The following RASIP1 variants were observed in gnomAD, a reference collection of about 807,000 sequenced individuals.
The protein encoded by RASIP1 is Ras interacting protein 1, also known as ras-interacting protein 1.
In RASIP1, 20 loss-of-function variants were observed where a neutral mutation model predicts 85.3. The ratio of observed to expected loss-of-function variants is 0.23; its 90% CI spans 0.17 to 0.34. The LOEUF (loss-of-function observed/expected upper bound fraction) is 0.34, where lower values mean the gene tolerates loss of function less well. Ranked by LOEUF, RASIP1 falls within the 10% of genes least tolerant of loss-of-function variation. The pLI is 1.00. For synonymous variants in RASIP1, 617 were observed against 647.1 expected, an observed-to-expected ratio of 0.95 and a Z score of 0.71; for missense variants, 1,170 against 1,390.9, an observed-to-expected ratio of 0.84 and a Z score of 2.53.
chr19:48,739,516 G>A lies in RASIP1; in HGVS notation c.267C>T (p.Ile89=), dbSNP rs1018875253. 8 of 1,517,200 alleles carry A rather than the reference G, an allele frequency of 5.3e-6. No homozygotes were observed. Among genetic ancestry groups the A allele is most frequent in the Non-Finnish European group, 7.0e-6 (8 of 1,138,094 alleles). 94.0% of individuals were successfully genotyped at this position (1,517,200 alleles called of 1,614,324 possible). Residue 89 remains isoleucine, a synonymous_variant, in exon 3 of 12, where the codon ATC becomes ATT. Transcript: ENST00000222145. This position sits in a 1 kb window ranked among gnomAD's most constrained non-coding sequence, Gnocchi z 9.2. ...GGASGSRAKR[I]SQLFRGSGTG... ...TCCCCGAGCCCCGGAAGAGCTGGGAGATGCGCTTGGCGCGGCTACCGGAGG... is the reference window on the plus strand; with the variant it reads ...TCCCCGAGCCCCGGAAGAGCTGGGAAATGCGCTTGGCGCGGCTACCGGAGG...
Position 48,724,286 on chromosome 19 carries a change from G to A in RASIP1, c.2544+51C>T. 1.9e-6 allele frequency: 3 copies of A among 1,567,372 alleles called. No homozygotes were observed. Among genetic ancestry groups the A allele is most frequent in the Non-Finnish European group, 2.6e-6 (3 of 1,148,212 alleles). Reference sequence around the variant, plus strand: ...AGCTGAATATAGAAGGTGGCTGAGGGGGGTTGAGGAGTCAGAGGTCAGGGG... The same window carrying A: ...AGCTGAATATAGAAGGTGGCTGAGGAGGGTTGAGGAGTCAGAGGTCAGGGG... On this transcript the variant is annotated intron_variant, in intron 10 of 11. Coordinates refer to ENST00000222145, the MANE Select transcript of RASIP1 (RefSeq NM_017805.3). This position sits in a 1 kb window ranked among gnomAD's most constrained non-coding sequence, Gnocchi z 4.6.
chr19:48,721,903 C>G lies in RASIP1; in HGVS notation c.2643G>C (p.Pro881=), dbSNP rs1406676308. The change falls in exon 11 of 12, where the codon CCG becomes CCC. Residue 881 remains proline (P), a synonymous_variant. Transcript: ENST00000222145. The stretch of plus-strand genomic sequence containing the variant: ...CAGGGGGAGGGTCCCACGCGGCTGG[C>G]GGCCCGCGGCCAGGGCCCAGCTGAT... The part of the protein sequence containing the change: ...SHYQLGPGRG[P]PAAWDPPPAE... The G allele has an allele frequency of 1.9e-6, 3 of 1,604,556 alleles. No individual in the cohort carries two copies. The highest frequency in any genetic ancestry group is 1.3e-5 in the African/African-American group (1 of 74,250).
In RASIP1 at chr19:48,720,664, C is replaced by T; in HGVS notation, c.*134G>A. 3.0e-6 allele frequency: 3 copies of T among 998,390 alleles called. No homozygotes were observed. The highest frequency in any genetic ancestry group is 3.1e-6 in the Non-Finnish European group (2 of 653,434). 61.8% of individuals were successfully genotyped at this position (998,390 alleles called of 1,614,324 possible). A position where few individuals can be genotyped will look rare whatever the true frequency, so the allele number is the denominator to read the frequency against. On this transcript the variant is annotated 3_prime_UTR_variant, in exon 12 of 12. Coordinates refer to ENST00000222145, the MANE Select transcript of RASIP1 (RefSeq NM_017805.3). Reference sequence around the variant, plus strand: ...GCTCCCACCGTCCCATCCGCTACTTCCCGAAAACTCAATCTCCCAACATTC... The same window carrying T: ...GCTCCCACCGTCCCATCCGCTACTTTCCGAAAACTCAATCTCCCAACATTC...
chr19:48,732,064 C>CTT (rs11311120), intron 4 of RASIP1, among the ~76,000 whole-genome samples: 4 of 143,958 alleles, frequency 2.8e-5, no homozygotes, highest in Non-Finnish European at 6.1e-5. Flanking sequence ...TTTTTAATCT[C>CTT]TTTTTTTTTT....
At chr19:48,736,360 G>A (rs997629963) in intron 3 of RASIP1, among the ~76,000 whole-genome samples, 195 of 152,010 alleles carry the variant, frequency 1.3e-3, no homozygotes, top group African/African-American at 4.3e-3. Context: ...CCGAGATCGT[G>A]CCACTGCACT....
At position 48,720,896 on chromosome 19, in the gene RASIP1, G is replaced by C; in HGVS notation, c.2794C>G (p.Arg932Gly). Residue 932 changes from arginine (R) to glycine (G), a missense_variant, in exon 12 of 12, where the codon CGT (arginine) becomes GGT (glycine). Arg to Gly is a moderately radical substitution (Grantham distance 125). Transcript: ENST00000222145. ...TGPVTDDALH[R>G]ELRRLRRLLW... ...AGGCGGCGGAGCCTACGGAGTTCAC[G>C]GTGCAAGGCATCGTCCGTCACTGGA... 3 of 1,613,986 alleles carry C rather than the reference G, an allele frequency of 1.9e-6. No homozygotes were observed. The highest frequency in any genetic ancestry group is 2.5e-6 in the Non-Finnish European group (3 of 1,180,004).
chr19:48,734,816 T>C (rs149650038), intron 4 of RASIP1, among the ~76,000 whole-genome samples: 5 of 152,270 alleles, frequency 3.3e-5, no homozygotes, highest in African/African-American at 9.6e-5. Flanking sequence ...GATCTCACTA[T>C]GTTGTCCAGG....
intron 10 of RASIP1, among the ~76,000 whole-genome samples, chr19:48,722,397 CCTCAAACTCCCGG>C (rs1218421374): frequency 6.7e-6 from 1 of 148,884 alleles, no homozygotes; most frequent in Non-Finnish European, 1.5e-5. Context: ...CTTGCTGCAG[CCTCAAACTCCCGG>C]CTCAAGTGAT....
At position 48,726,901 on chromosome 19, in the gene RASIP1, T is replaced by C; in HGVS notation, c.2024-13A>G. 1 of 1,612,622 alleles carries C rather than the reference T, an allele frequency of 6.2e-7. No individual in the cohort carries two copies. The highest frequency in any genetic ancestry group is 8.5e-7 in the Non-Finnish European group (1 of 1,179,112). Reference sequence around the variant, plus strand: ...CAGAGCTGTGGGTCTGAGGACAGGCTTGGGGTTAAGAGGGAGAACCAGAAG... The same window carrying C: ...CAGAGCTGTGGGTCTGAGGACAGGCCTGGGGTTAAGAGGGAGAACCAGAAG... On this transcript the variant is annotated splice_polypyrimidine_tract_variant and intron_variant, in intron 7 of 11. Coordinates refer to ENST00000222145, the MANE Select transcript of RASIP1 (RefSeq NM_017805.3).
At position 48,739,354 on chromosome 19, in the gene RASIP1, C is replaced by A; in HGVS notation, c.429G>T (p.Ala143=). Residue 143 remains alanine, a synonymous_variant, in exon 3 of 12, where the codon GCG becomes GCT. Coordinates refer to ENST00000222145, the MANE Select transcript of RASIP1 (RefSeq NM_017805.3). This position sits in a 1 kb window ranked among gnomAD's most constrained non-coding sequence, Gnocchi z 9.2. ...PEPPLATRAT[A]PPGVLKIFGA... ...CGAAGATCTTGAGGACCCCCGGAGG[C>A]GCCGTGGCGCGGGTAGCCAGCGGGG... The A allele has an allele frequency of 1.5e-6, 2 of 1,345,998 alleles. No individual in the cohort carries two copies. The highest frequency in any genetic ancestry group is 1.9e-6 in the Non-Finnish European group (2 of 1,053,404). The allele number at this position is 1,345,998 out of a possible 1,614,324, so 83.4% of individuals were successfully genotyped here.
At chr19:48,733,667 C>A (rs1023335269) in intron 4 of RASIP1, among the ~76,000 whole-genome samples, 1 of 152,082 alleles carries the variant, frequency 6.6e-6, no homozygotes, top group Admixed American at 6.6e-5. Flanking sequence ...TTTAGCTGGG[C>A]ATCATGGCAG....
intron 11 of RASIP1, 89 bp from the exon 12 acceptor site, chr19:48,721,086 G>A (rs1463211181): frequency 8.3e-6 from 10 of 1,202,106 alleles, no homozygotes; most frequent in Non-Finnish European, 1.1e-5. Context: ...CACACCCAAA[G>A]GAAGAAAAAA....
At chr19:48,734,848 C>A (rs1277202463) in intron 4 of RASIP1, among the ~76,000 whole-genome samples, 1 of 152,176 alleles carries the variant, frequency 6.6e-6, no homozygotes, top group Non-Finnish European at 1.5e-5. Flanking sequence ...CTTTTGGCCT[C>A]AAGCAATTCT....
intron 5 of RASIP1, 82 bp from the exon 6 acceptor site, chr19:48,727,512 C>G (rs2033362883): frequency 7.0e-7 from 1 of 1,426,840 alleles, no homozygotes; most frequent in Admixed American, 1.8e-5. Context: ...TTTATAGAAG[C>G]ACAACTCTCA....
In RASIP1 at chr19:48,724,299, C is replaced by T. The variant is rs2033304155; in HGVS notation, c.2544+38G>A. Reference sequence around the variant, plus strand: ...AGGTGGCTGAGGGGGGTTGAGGAGTCAGAGGTCAGGGGTCAGGTATAGCTG... The same window carrying T: ...AGGTGGCTGAGGGGGGTTGAGGAGTTAGAGGTCAGGGGTCAGGTATAGCTG... On this transcript the variant is annotated intron_variant, in intron 10 of 11. Coordinates refer to ENST00000222145, the MANE Select transcript of RASIP1 (RefSeq NM_017805.3). The surrounding 1 kb of genome is among the most constrained non-coding windows in gnomAD (Gnocchi z 4.6). The T allele has an allele frequency of 6.3e-7, 1 of 1,592,128 alleles. No homozygotes were observed. Among genetic ancestry groups the T allele is most frequent in the Non-Finnish European group, 8.6e-7 (1 of 1,165,390 alleles).
chr19:48,722,874 T>G (rs2033274020), intron 10 of RASIP1, among the ~76,000 whole-genome samples: 1 of 152,120 alleles, frequency 6.6e-6, no homozygotes, highest in Non-Finnish European at 1.5e-5. Context: ...GCTTATTAAA[T>G]GCATGGTAAA....
chr19:48,726,770 G>A lies in RASIP1; in HGVS notation c.2127+15C>T. 1.3e-6 allele frequency: 2 copies of A among 1,577,018 alleles called. No homozygotes were observed. Among genetic ancestry groups the A allele is most frequent in the Non-Finnish European group, 1.7e-6 (2 of 1,160,428 alleles). On this transcript the variant is annotated intron_variant, in intron 8 of 11. Transcript: ENST00000222145. ...TGATGCTATGTCAAACAGGAAGTAAGAGGCAAGGGCCAACCTTGGTGAGGT... is the reference window on the plus strand; with the variant it reads ...TGATGCTATGTCAAACAGGAAGTAAAAGGCAAGGGCCAACCTTGGTGAGGT...
In RASIP1 at chr19:48,729,270, C is replaced by T; in HGVS notation, c.1500G>A (p.Pro500=). The change falls in exon 5 of 12, where the codon CCG becomes CCA. Residue 500 remains proline (P), a synonymous_variant. Transcript: ENST00000222145. ...PRTGGSGPAR[P]PWLPARPGAT... The stretch of plus-strand genomic sequence containing the variant: ...CCCCGGGGCGCGCGGGCAGCCACGG[C>T]GGCCTCGCAGGCCCCGAGCCCCCAG... 2 of 1,510,246 alleles carry T rather than the reference C, an allele frequency of 1.3e-6. No homozygotes were observed. Among genetic ancestry groups the T allele is most frequent in the Non-Finnish European group, 1.8e-6 (2 of 1,132,892 alleles). The allele number at this position is 1,510,246 out of a possible 1,614,324, so 93.6% of individuals were successfully genotyped here.
chr19:48,729,026 A>C lies in RASIP1; in HGVS notation c.1744T>G (p.Cys582Gly). ...PLGPATLLAL[C>G]VQHSARELEL... ...AGCTCACGGGCGGAATGCTGCACGC[A>C]CAGCGCCAGCAGCGTGGCGGGCCCG... is the stretch of plus-strand genomic sequence containing the variant. The change falls in exon 5 of 12, where the codon TGC becomes GGC. Residue 582 changes from cysteine (C) to glycine (G), a missense_variant. Physicochemically the swap from Cys to Gly is radical, Grantham distance 159. Transcript: ENST00000222145. 7.0e-7 allele frequency: 1 copy of C among 1,433,334 alleles called. No individual in the cohort carries two copies. The highest frequency in any genetic ancestry group is 9.1e-7 in the Non-Finnish European group (1 of 1,102,486). 88.8% of individuals were successfully genotyped at this position (1,433,334 alleles called of 1,614,324 possible).
Sources: allele counts gnomAD v4.1 joint callset (sites outside exome capture counted in the v4.1 genomes callset), GRCh38; gene constraint gnomAD v4.1.1; non-coding constraint Gnocchi (gnomAD v3.1); transcripts MANE v1.5; gene names NCBI Gene and HGNC (gene_info 2026-07-23, HGNC 2026-07-21).